Variants in PDE8B observed in about 807,000 individuals in gnomAD.
The protein encoded by PDE8B is high affinity cAMP-specific and IBMX-insensitive 3',5'-cyclic phosphodiesterase 8B.
In PDE8B, 26 loss-of-function variants were observed where a neutral mutation model predicts 101.3. The observed-to-expected ratio is 0.26, with a 90% CI of 0.19 to 0.36. PDE8B has a LOEUF of 0.36. Ranked by LOEUF, PDE8B falls within the 10% of genes least tolerant of loss-of-function variation. PDE8B has a pLI of 1.00. For synonymous variants in PDE8B, 424 were observed against 429.3 expected, an observed-to-expected ratio of 0.99 and a Z score of 0.15; for missense variants, 810 against 1,163.1, an observed-to-expected ratio of 0.70 and a Z score of 4.42.
chr5:77,411,660 T>C lies in PDE8B; in HGVS notation c.1531-16T>C. ...GATATAAAGCATGCTTCTAACAGGCTCTTCCTTTATTCCAGGACGGCTTGA... is the reference window on the plus strand; with the variant it reads ...GATATAAAGCATGCTTCTAACAGGCCCTTCCTTTATTCCAGGACGGCTTGA... On this transcript the variant is annotated splice_polypyrimidine_tract_variant and intron_variant, in intron 14 of 21. Coordinates refer to ENST00000264917, the MANE Select transcript of PDE8B (RefSeq NM_003719.5). 1 of 1,600,378 alleles carries C rather than the reference T, an allele frequency of 6.2e-7. No homozygotes were observed.
the PDE8B span, among the ~76,000 whole-genome samples, chr5:77,204,696 C>A: frequency 1.3e-5 from 2 of 152,186 alleles, no homozygotes; most frequent in African/African-American, 4.8e-5. Flanking sequence ...GCCTCTGTGC[C>A]TTTGTTCATG....
rs1237992036 is a variant in PDE8B at position 77,267,439 on chromosome 5, C to CAAAAAA, written c.340-44544_340-44539dup. 2.1e-3 allele frequency among the ~76,000 whole-genome samples: 204 copies of CAAAAAA among 98,168 alleles called. 1 individual carries two copies. Among genetic ancestry groups the CAAAAAA allele is most frequent in the African/African-American group, 7.3e-3 (194 of 26,552 alleles). The allele number at this position is 98,168 out of a possible 152,430, so 64.4% of individuals were successfully genotyped here. Reference sequence around the variant, plus strand: ...TGGGTGACAGAGCGAGACTCCATCTCAAAAAAAAAAAAAAAAGGGTGGAAA... The same window carrying CAAAAAA: ...TGGGTGACAGAGCGAGACTCCATCTCAAAAAAAAAAAAAAAAAAAAAAGGGTGGAAA... On this transcript the variant is annotated intron_variant, in intron 1 of 21. Coordinates refer to ENST00000264917, the MANE Select transcript of PDE8B (RefSeq NM_003719.5).
At chr5:77,413,340 T>C in intron 17 of PDE8B, 31 bp downstream of exon 17, 1 of 1,569,234 alleles carries the variant, frequency 6.4e-7, no homozygotes, top group Non-Finnish European at 8.8e-7. Context: ...CCTAGTTACC[T>C]GCCTGGATTG....
At chr5:77,132,294 G>A in the PDE8B span, among the ~76,000 whole-genome samples, 1 of 151,476 alleles carries the variant, frequency 6.6e-6, no homozygotes, top group Non-Finnish European at 1.5e-5. Context: ...CCTCCATATT[G>A]CTAACTAATA....
At chr5:77,271,624 C>G (rs1210905358) in intron 1 of PDE8B, among the ~76,000 whole-genome samples, 2 of 152,062 alleles carry the variant, frequency 1.3e-5, no homozygotes, top group Non-Finnish European at 1.5e-5. Flanking sequence ...AGGGAATAAT[C>G]AACAGGTCAT....
the PDE8B span, chr5:77,105,444 G>A: frequency 6.6e-6 from 1 of 152,108 alleles, no homozygotes; most frequent in South Asian, 2.1e-4. Flanking sequence ...TAAATGTTCT[G>A]AGCACATTTA....
the PDE8B span, among the ~76,000 whole-genome samples, chr5:77,197,317 A>C: frequency 6.6e-6 from 1 of 151,274 alleles, no homozygotes; most frequent in African/African-American, 2.4e-5. Flanking sequence ...GGGTTTCACC[A>C]TGTTGGACAG....
chr5:77,134,655 C>A, the PDE8B span: 1 of 152,164 alleles, frequency 6.6e-6, no homozygotes, highest in Non-Finnish European at 1.5e-5. Flanking sequence ...TCCCTGTGGT[C>A]AAGTTTTTCT....
the PDE8B span, among the ~76,000 whole-genome samples, chr5:77,129,855 T>G: frequency 6.6e-6 from 1 of 152,200 alleles, no homozygotes; most frequent in Non-Finnish European, 1.5e-5. Flanking sequence ...TCCATCAGTC[T>G]AGGCTGCTCA....
At chr5:77,255,817 G>T (rs993409458) in intron 1 of PDE8B, among the ~76,000 whole-genome samples, 1 of 152,232 alleles carries the variant, frequency 6.6e-6, no homozygotes, top group Non-Finnish European at 1.5e-5. Context: ...GTCTACTACA[G>T]ATCCGGGTAC....
At chr5:77,142,298 T>C in the PDE8B span, 1 of 152,218 alleles carries the variant, frequency 6.6e-6, no homozygotes, top group African/African-American at 2.4e-5. Context: ...GCATTTCTCT[T>C]TTTTACAACT....
the PDE8B span, among the ~76,000 whole-genome samples, chr5:77,178,209 CT>C: frequency 2.0e-5 from 3 of 151,992 alleles, no homozygotes; most frequent in African/African-American, 7.3e-5. Context: ...GATTTGGTGC[CT>C]TTATCCTTCC....
the PDE8B span, among the ~76,000 whole-genome samples, chr5:77,089,119 A>C: frequency 1.3e-5 from 2 of 150,020 alleles, no homozygotes; most frequent in African/African-American, 2.5e-5. Flanking sequence ...GTGGCACAGC[A>C]GGAGTTGAGT....
At chr5:77,161,229 A>C in the PDE8B span, among the ~76,000 whole-genome samples, 5 of 152,156 alleles carry the variant, frequency 3.3e-5, no homozygotes, top group African/African-American at 4.8e-5. Context: ...TTTTATATGG[A>C]TCTAATTTCC....
rs142440551 is a variant in PDE8B at position 77,422,038 on chromosome 5, T to C, written c.2418+50T>C. 4.8e-5 allele frequency: 75 copies of C among 1,566,686 alleles called. No individual in the cohort carries two copies. The East Asian group carries it at 1.6e-3, about 34-fold the overall frequency. ...CCACTTCCCCTCTGGGAATGGGAAC[T>C]AGGTCATGGAACTCCTGGGGGATTC... On this transcript the variant is annotated intron_variant, in intron 20 of 21. Transcript: ENST00000264917.
intron 2 of PDE8B, among the ~76,000 whole-genome samples, chr5:77,318,010 C>T (rs944345561): frequency 3.5e-5 from 5 of 143,184 alleles, no homozygotes; most frequent in South Asian, 2.2e-4. Context: ...GAGCCAAGAT[C>T]GCACCATTGC....
intron 17 of PDE8B, among the ~76,000 whole-genome samples, chr5:77,414,431 A>AT (rs1054095960): frequency 6.7e-4 from 102 of 151,912 alleles, no homozygotes; most frequent in African/African-American, 2.3e-3. Flanking sequence ...AAATTTTTTT[A>AT]TTTTTTTGAG....
chr5:77,420,537 C>T (rs572289013), intron 19 of PDE8B, among the ~76,000 whole-genome samples: 19 of 152,086 alleles, frequency 1.2e-4, no homozygotes, highest in East Asian at 3.9e-4. Flanking sequence ...TCCTGTTGAG[C>T]GGCAGAGGTT....
chr5:77,257,532 A>C (rs1280385983), intron 1 of PDE8B, among the ~76,000 whole-genome samples: 1 of 152,214 alleles, frequency 6.6e-6, no homozygotes, highest in Non-Finnish European at 1.5e-5. Flanking sequence ...ACATAATAAT[A>C]CTAAAATATT....
Sources: gnomAD v4.1 joint callset for allele counts (sites outside exome capture counted in the v4.1 genomes callset) on GRCh38, gnomAD v4.1.1 for gene constraint, MANE v1.5 for transcripts, NCBI Gene and HGNC (gene_info 2026-07-23, HGNC 2026-07-21) for gene names.